KCNIP4: variants seen among roughly 807,000 people sequenced by gnomAD.
KCNIP4 encodes Kv channel-interacting protein 4.
A neutral mutation model predicts 34.0 loss-of-function variants in KCNIP4; 12 were observed. The observed-to-expected ratio is 0.35, with a 90% confidence interval of 0.23 to 0.57. KCNIP4 has a LOEUF of 0.57. Among genes scored for constraint, KCNIP4 ranks in the 20% least tolerant of loss-of-function variants. The pLI is 0.83. For synonymous variants in KCNIP4, 124 were observed against 102.2 expected (o/e 1.21, Z -1.29); for missense variants, 238 against 311.7 (o/e 0.76, Z 1.78).
intron 1 of KCNIP4, among the ~76,000 whole-genome samples, chr4:21,589,188 ATATATATATATATG>A (rs1191810224): frequency 0.091 from 6,764 of 74,454 alleles, 510 homozygotes; most frequent in East Asian, 0.15. Flanking sequence ...ATATATATAT[ATATATATATATATG>A]TGTACATATA....
chr4:21,494,999 A>G (rs1442346979), intron 1 of KCNIP4, among the ~76,000 whole-genome samples: 2 of 152,142 alleles, frequency 1.3e-5, no homozygotes, highest in African/African-American at 4.8e-5. Context: ...AAAGATAACC[A>G]AAGAAATACA....
At chr4:21,341,505 T>G (rs1410174366) in intron 1 of KCNIP4, among the ~76,000 whole-genome samples, 1 of 152,136 alleles carries the variant, frequency 6.6e-6, no homozygotes, top group East Asian at 1.9e-4. Context: ...AAAAATAATT[T>G]AAGAGAAATG....
At chr4:21,157,916 A>T (rs1753265069) in intron 1 of KCNIP4, among the ~76,000 whole-genome samples, 1 of 152,146 alleles carries the variant, frequency 6.6e-6, no homozygotes, top group Admixed American at 6.5e-5. Context: ...AAGTCAATAC[A>T]ATCAATAAAC....
chr4:21,386,769 A>C (rs1157636522), intron 1 of KCNIP4, among the ~76,000 whole-genome samples: 1 of 152,084 alleles, frequency 6.6e-6, no homozygotes, highest in African/African-American at 2.4e-5. Flanking sequence ...CACGCTGGAC[A>C]CTCTATAGAT....
At chr4:21,458,094 T>C (rs1220557687) in intron 1 of KCNIP4, among the ~76,000 whole-genome samples, 1 of 150,814 alleles carries the variant, frequency 6.6e-6, no homozygotes, top group African/African-American at 2.4e-5. Context: ...CTGCACCCAC[T>C]AACTCGTCAT....
intron 3 of KCNIP4, among the ~76,000 whole-genome samples, chr4:20,849,941 G>A (rs1370439091): frequency 6.6e-6 from 1 of 152,162 alleles, no homozygotes; most frequent in African/African-American, 2.4e-5. Context: ...CTCATAGTCA[G>A]CCTGGATCCA....
chr4:21,800,723 A>T (rs1034985940), intron 1 of KCNIP4, among the ~76,000 whole-genome samples: 3 of 152,186 alleles, frequency 2.0e-5, no homozygotes, highest in Admixed American at 1.3e-4. Flanking sequence ...ATTGAAGGAA[A>T]ATCCAATACT....
chr4:21,900,702 C>A (rs1727657507), intron 1 of KCNIP4, among the ~76,000 whole-genome samples: 1 of 152,134 alleles, frequency 6.6e-6, no homozygotes. Flanking sequence ...TATGTCTAGT[C>A]CCTAGGAATA....
At chr4:21,293,891 C>T (rs1763686822) in intron 1 of KCNIP4, among the ~76,000 whole-genome samples, 2 of 152,160 alleles carry the variant, frequency 1.3e-5, no homozygotes, top group African/African-American at 4.8e-5. Context: ...AATTCTGCCT[C>T]TGATCATGAT....
At chr4:21,882,973 A>C (rs1726546407) in intron 1 of KCNIP4, among the ~76,000 whole-genome samples, 1 of 152,140 alleles carries the variant, frequency 6.6e-6, no homozygotes, top group Admixed American at 6.6e-5. Context: ...AATTCACTTA[A>C]ATTCCATGTA....
chr4:21,292,370 G>A (rs139724361), intron 1 of KCNIP4, among the ~76,000 whole-genome samples: 178 of 152,096 alleles, frequency 1.2e-3, no homozygotes, highest in Non-Finnish European at 1.9e-3. Flanking sequence ...AAATTTGGAG[G>A]GTTGTACTAA....
intron 5 of KCNIP4, 54 bp from the exon 6 acceptor site, chr4:20,734,789 A>AG: frequency 9.6e-7 from 1 of 1,045,480 alleles, no homozygotes; most frequent in Non-Finnish European, 1.4e-6. Flanking sequence ...AAACAAAAAC[A>AG]AAAAAAACAA....
chr4:21,664,891 A>G (rs1748720923), intron 1 of KCNIP4, among the ~76,000 whole-genome samples: 1 of 152,154 alleles, frequency 6.6e-6, no homozygotes, highest in African/African-American at 2.4e-5. Context: ...AATTATCACA[A>G]TAGTTGTTGT....
At chr4:21,438,168 A>G (rs28542717) in intron 1 of KCNIP4, among the ~76,000 whole-genome samples, 1,583 of 152,228 alleles carry the variant, frequency 0.01, 27 homozygotes, top group African/African-American at 0.036. Context: ...GCTTATAACT[A>G]TTTACATACA....
intron 1 of KCNIP4, chr4:21,730,026 G>A (rs1476721097): frequency 3.3e-5 from 5 of 152,044 alleles, no homozygotes; most frequent in Non-Finnish European, 5.9e-5. Context: ...GTTCTTCAAT[G>A]CCTGAAGCTC....
chr4:21,420,562 G>A (rs538313220), intron 1 of KCNIP4, among the ~76,000 whole-genome samples: 54 of 152,252 alleles, frequency 3.5e-4, no homozygotes, highest in South Asian at 1.7e-3. Flanking sequence ...TGATTTCTTT[G>A]CAGTGTTCTT....
At chr4:20,759,677 G>A (rs1391073080) in intron 3 of KCNIP4, among the ~76,000 whole-genome samples, 2 of 152,166 alleles carry the variant, frequency 1.3e-5, no homozygotes, top group Non-Finnish European at 2.9e-5. Flanking sequence ...TAAAGTGTCA[G>A]AAGGGGGCTG....
intron 3 of KCNIP4, among the ~76,000 whole-genome samples, chr4:20,836,160 G>C (rs1240571242): frequency 6.6e-6 from 1 of 152,108 alleles, no homozygotes; most frequent in Non-Finnish European, 1.5e-5. Context: ...AATCCAGTCT[G>C]CAAGACTCTG....
chr4:21,241,983 G>A (rs1008415716), intron 1 of KCNIP4, among the ~76,000 whole-genome samples: 1 of 151,796 alleles, frequency 6.6e-6, no homozygotes, highest in Non-Finnish European at 1.5e-5. Context: ...CTAACACGGT[G>A]AAAACCTGTC....
Sources: gnomAD v4.1 joint callset for allele counts (sites outside exome capture counted in the v4.1 genomes callset) on GRCh38, gnomAD v4.1.1 for gene constraint, MANE v1.5 for transcripts, NCBI Gene and HGNC (gene_info 2026-07-23, HGNC 2026-07-21) for gene names.